SOX5: variants seen among roughly 807,000 people sequenced by gnomAD.
SOX5 encodes transcription factor SOX-5.
Under a neutral mutation model 92.0 loss-of-function variants are expected in SOX5, and 9 were observed. That is an observed-to-expected ratio of 0.10 (90% CI 0.06 to 0.17). SOX5 has a LOEUF of 0.17. Ranked by LOEUF, SOX5 falls within the 10% of genes least tolerant of loss-of-function variation. The pLI is 1.00. For missense variants in SOX5, 642 were observed against 944.5 expected, an observed-to-expected ratio of 0.68 and a Z score of 4.20; for synonymous variants, 344 against 336.3, an observed-to-expected ratio of 1.02 and a Z score of -0.25.
At position 24,329,482 on chromosome 12, in the gene SOX5, C is replaced by A. The variant is rs575194194; in HGVS notation, c.-174+39081G>T. 1.6e-4 allele frequency among the ~76,000 whole-genome samples: 25 copies of A among 152,318 alleles called. No homozygotes were observed. In the East Asian group the frequency reaches 4.4e-3, roughly 27 times the overall value. On this transcript the variant is annotated intron_variant, in intron 2 of 4. Transcript: ENST00000446891. ...AAAGTCCATTCACCTCCCACCAGGTCTCTCCTTCAACATCTGGAGATTACA... is the reference window on the plus strand; with the variant it reads ...AAAGTCCATTCACCTCCCACCAGGTATCTCCTTCAACATCTGGAGATTACA...
chr12:24,109,874 A>G (rs1323704131), intron 4 of SOX5, among the ~76,000 whole-genome samples: 3 of 152,226 alleles, frequency 2.0e-5, no homozygotes, highest in Non-Finnish European at 4.4e-5. Flanking sequence ...CAAAAAATAA[A>G]GACAGAAGCA....
intron 2 of SOX5, among the ~76,000 whole-genome samples, chr12:24,365,479 A>G (rs1393536703): frequency 6.6e-6 from 1 of 151,952 alleles, no homozygotes; most frequent in East Asian, 1.9e-4. Flanking sequence ...GAAAGTACCC[A>G]TGTTTTCCTA....
intron 4 of SOX5, among the ~76,000 whole-genome samples, chr12:24,005,273 T>C (rs1952035742): frequency 6.6e-6 from 1 of 152,136 alleles, no homozygotes; most frequent in Non-Finnish European, 1.5e-5. Flanking sequence ...TTTCAAATTA[T>C]TGAAGAGAAA....
At chr12:24,446,424 C>T (rs1485261962) in intron 1 of SOX5, among the ~76,000 whole-genome samples, 1 of 152,078 alleles carries the variant, frequency 6.6e-6, no homozygotes, top group East Asian at 1.9e-4. Context: ...GTTTGAAAGG[C>T]CCCATGTGGA....
chr12:23,557,094 G>GAAA (rs964483508), intron 11 of SOX5, among the ~76,000 whole-genome samples: 2 of 152,160 alleles, frequency 1.3e-5, no homozygotes, highest in African/African-American at 4.8e-5. Flanking sequence ...TAAAGGGAAA[G>GAAA]AAAAGGGTTG....
At chr12:24,348,194 T>C in intron 2 of SOX5, among the ~76,000 whole-genome samples, 1 of 151,896 alleles carries the variant, frequency 6.6e-6, no homozygotes, top group East Asian at 1.9e-4. Context: ...ATAAAATGGA[T>C]ACTCTAAAGT....
intron 1 of SOX5, among the ~76,000 whole-genome samples, chr12:24,455,773 C>G (rs1249237786): frequency 1.3e-5 from 2 of 152,170 alleles, no homozygotes; most frequent in African/African-American, 4.8e-5. Context: ...GGATGTCCCT[C>G]CAGGACCAAG....
chr12:24,094,577 A>T (rs972148941), intron 4 of SOX5, among the ~76,000 whole-genome samples: 1 of 152,002 alleles, frequency 6.6e-6, no homozygotes, highest in Non-Finnish European at 1.5e-5. Context: ...GAGGTCATAA[A>T]AATACTCCTA....
In SOX5 at chr12:24,202,794, T is replaced by C. The variant is rs1432953583; in HGVS notation, c.-2+10549A>G. The stretch of plus-strand genomic sequence containing the variant: ...TTTTTGTGCCTTTCTCAGTGAATCA[T>C]ATGAGAGGCACATGATGGTGATATA... On this transcript the variant is annotated intron_variant, in intron 4 of 4. Transcript: ENST00000446891. 3.3e-5 allele frequency among the ~76,000 whole-genome samples: 5 copies of C among 152,222 alleles called. No homozygotes were observed. In the East Asian group the frequency reaches 9.6e-4, roughly 29 times the overall value.
intron 4 of SOX5, among the ~76,000 whole-genome samples, chr12:24,148,943 C>A (rs1387202993): frequency 6.6e-6 from 1 of 151,900 alleles, no homozygotes; most frequent in Non-Finnish European, 1.5e-5. Flanking sequence ...ATATTGAAAA[C>A]TGGTTTTTGA....
chr12:23,940,492 G>C (rs976149405), intron 1 of SOX5, among the ~76,000 whole-genome samples: 3 of 151,124 alleles, frequency 2.0e-5, no homozygotes, highest in Non-Finnish European at 3.0e-5. Flanking sequence ...TGCAAATGTA[G>C]TTCAAAGTAA....
At position 23,868,601 on chromosome 12, in the gene SOX5, G is replaced by C. The variant is rs770749251; in HGVS notation, c.271-22408C>G. Among the ~76,000 whole-genome samples the C allele has an allele frequency of 8.2e-4, 125 of 151,986 alleles. 1 individual carries two copies. The highest frequency in any genetic ancestry group is 2.8e-4 in the Non-Finnish European group (19 of 67,948). On this transcript the variant is annotated intron_variant, in intron 2 of 14. Transcript: ENST00000451604. ...AAAAATTGTCTGGTCTTAATTCACA[G>C]AACTTACTTGACAATTTATGTATTT... is the stretch of plus-strand genomic sequence containing the variant.
At chr12:23,616,333 G>A (rs983907938) in intron 8 of SOX5, among the ~76,000 whole-genome samples, 2 of 152,348 alleles carry the variant, frequency 1.3e-5, no homozygotes, top group South Asian at 4.1e-4. Context: ...AGTGGGTGGA[G>A]GCTGGGATTG....
intron 3 of SOX5, among the ~76,000 whole-genome samples, chr12:24,238,509 T>A (rs899453756): frequency 6.6e-6 from 1 of 152,136 alleles, no homozygotes; most frequent in Non-Finnish European, 1.5e-5. Context: ...ATGCCGCCAA[T>A]GTCCAGCTTA....
intron 1 of SOX5, among the ~76,000 whole-genome samples, chr12:24,433,662 T>C (rs1158827910): frequency 6.6e-6 from 1 of 152,238 alleles, no homozygotes; most frequent in Non-Finnish European, 1.5e-5. Flanking sequence ...ATCATCTTCC[T>C]GAAACTTTCT....
At position 23,957,248 on chromosome 12, in the gene SOX5, T is replaced by C. The variant is rs12821631; in HGVS notation, c.-1-61224A>G. ...ATTAAAGTTAATGTATATAAGTTCA[T>C]TTAAATTAAAATGACCAGGACAACT... On this transcript the variant is annotated intron_variant, in intron 4 of 4. Transcript: ENST00000446891. Among the ~76,000 whole-genome samples the C allele has an allele frequency of 3.6e-3, 541 of 152,294 alleles. 3 individuals carry two copies. Among genetic ancestry groups the C allele is most frequent in the Admixed American group, 6.2e-3 (95 of 15,298 alleles).
intron 9 of SOX5, among the ~76,000 whole-genome samples, chr12:23,586,341 G>A (rs574742315): frequency 6.6e-6 from 1 of 152,146 alleles, no homozygotes; most frequent in South Asian, 2.1e-4. Context: ...CAAGAGAGTG[G>A]TAGGTCATGA....
intron 3 of SOX5, chr12:23,762,746 A>G (rs1001634113): frequency 9.5e-6 from 4 of 421,104 alleles, no homozygotes; most frequent in South Asian, 7.5e-5. Context: ...AACCTGCTCA[A>G]TTATAATTGG....
At chr12:23,796,451 G>C (rs2095562032) in intron 3 of SOX5, among the ~76,000 whole-genome samples, 1 of 152,074 alleles carries the variant, frequency 6.6e-6, no homozygotes, top group Non-Finnish European at 1.5e-5. Context: ...CATATTCATA[G>C]CTGAGTTGCA....
Sources: gnomAD v4.1 joint callset for allele counts (sites outside exome capture counted in the v4.1 genomes callset) on GRCh38, gnomAD v4.1.1 for gene constraint, MANE v1.5 for transcripts, NCBI Gene and HGNC (gene_info 2026-07-23, HGNC 2026-07-21) for gene names.